Variants in ABCC11 observed in about 807,000 individuals in gnomAD.
ABCC11 encodes ATP binding cassette subfamily C member 11.
ABCC11 carries 135 observed loss-of-function variants against 149.3 expected under a neutral mutation model. That is an observed-to-expected ratio of 0.90 (90% CI 0.79 to 1.04). The LOEUF is 1.04. Ranked by LOEUF, ABCC11 falls within the 50% of genes least tolerant of loss-of-function variation. The pLI, the probability that ABCC11 is intolerant of heterozygous loss-of-function variation, is 0.00. For synonymous variants in ABCC11, 665 were observed against 671.4 expected, an observed-to-expected ratio of 0.99 and a Z score of 0.15; for missense variants, 1,680 against 1,722.1, an observed-to-expected ratio of 0.98 and a Z score of 0.43.
intron 11 of ABCC11, chr16:48,210,023 G>C (rs954892074): frequency 6.6e-6 from 1 of 152,216 alleles, no homozygotes; most frequent in Non-Finnish European, 1.5e-5. Context: ...GGCAGATGTG[G>C]AAGTCAAGCT....
chr16:48,198,063 A>G lies in ABCC11; in HGVS notation c.2222T>C (p.Met741Thr), dbSNP rs780307672. ...TGCTATCTTTGCTGTGTCCTGCAAC[A>G]TGTCCTGGGGAGAGAGCACAGGCCC... is the stretch of plus-strand genomic sequence containing the variant. ...QKMHKEATSD[M>T]LQDTAKIAEK... is the part of the protein sequence containing the mutation. Residue 741 changes from methionine to threonine, a missense_variant, in exon 17 of 30, where the codon ATG (methionine) becomes ACG (threonine). Met to Thr is a moderately conservative substitution (Grantham distance 81). Transcript: ENST00000356608. The G allele has an allele frequency of 1.9e-6, 3 of 1,614,192 alleles. No individual in the cohort carries two copies. Among genetic ancestry groups the G allele is most frequent in the East Asian group, 4.5e-5 (2 of 44,872 alleles).
chr16:48,203,146 C>T, intron 14 of ABCC11, 82 bp downstream of exon 14: 3 of 1,397,942 alleles, frequency 2.1e-6, no homozygotes, highest in Non-Finnish European at 2.0e-6. Flanking sequence ...AGCTGGGATT[C>T]CTCCCTTCCC....
At chr16:48,219,194 G>A (rs1210788216) in intron 6 of ABCC11, among the ~76,000 whole-genome samples, 1 of 139,360 alleles carries the variant, frequency 7.2e-6, no homozygotes, top group African/African-American at 2.7e-5. Context: ...TTTTGAGACT[G>A]GGTCTCACTA....
At chr16:48,214,746 T>C (rs1175205292) in intron 9 of ABCC11, 135 bp downstream of exon 9, 3 of 1,258,990 alleles carry the variant, frequency 2.4e-6, no homozygotes, top group South Asian at 2.9e-5. Context: ...ACTGTACTTT[T>C]GTCTGGAAAA....
chr16:48,179,490 G>A (rs368498331), intron 23 of ABCC11, among the ~76,000 whole-genome samples: 4 of 152,234 alleles, frequency 2.6e-5, no homozygotes, highest in Non-Finnish European at 2.9e-5. Flanking sequence ...CAAACAGGAC[G>A]TGCAGGGGGT....
chr16:48,170,078 C>A, intron 28 of ABCC11, 27 bp downstream of exon 28: 3 of 1,592,424 alleles, frequency 1.9e-6, no homozygotes, highest in Non-Finnish European at 2.6e-6. Flanking sequence ...GTGGCTTCCC[C>A]TGGCCACACG....
chr16:48,208,490 T>C lies in ABCC11; in HGVS notation c.1615A>G (p.Met539Val), dbSNP rs764374436. 2.5e-6 allele frequency: 4 copies of C among 1,614,016 alleles called. No homozygotes were observed. The South Asian group carries it at 4.4e-5, about 18-fold the overall frequency. Reference protein sequence around the residue: ...KINLVVSKGMMLGVCGNTGSG... With the variant: ...KINLVVSKGMVLGVCGNTGSG... The stretch of plus-strand genomic sequence containing the variant: ...CCCGTGTTGCCGCAGACCCCTAACA[T>C]CATCCCCTGCAAGCCAAGGAGGACA... The change falls in exon 12 of 30, where the codon ATG becomes GTG. Residue 539 changes from methionine to valine, a missense_variant. Physicochemically the swap from Met to Val is conservative, Grantham distance 21. Coordinates refer to ENST00000356608, the MANE Select transcript of ABCC11 (RefSeq NM_001370497.1).
chr16:48,239,002 A>T (rs1328395476), intron 1 of ABCC11, among the ~76,000 whole-genome samples: 1 of 151,888 alleles, frequency 6.6e-6, no homozygotes, highest in Non-Finnish European at 1.5e-5. Flanking sequence ...AACATTAAAA[A>T]GTAATTGAGT....
intron 1 of ABCC11, among the ~76,000 whole-genome samples, chr16:48,245,909 T>TAC (rs1303318055): frequency 6.6e-6 from 1 of 152,158 alleles, no homozygotes; most frequent in Non-Finnish European, 1.5e-5. Flanking sequence ...TTCCTAACTC[T>TAC]ACTGGAGGTG....
chr16:48,173,898 T>G (rs1332144459), intron 26 of ABCC11, among the ~76,000 whole-genome samples: 1 of 152,228 alleles, frequency 6.6e-6, no homozygotes, highest in African/African-American at 2.4e-5. Context: ...GTGCTGGGAT[T>G]ACAGGCATGA....
In ABCC11 at chr16:48,197,709, G is replaced by T. The variant is rs74016315; in HGVS notation, c.2314+262C>A. On this transcript the variant is annotated intron_variant, in intron 17 of 29. Transcript: ENST00000356608. Reference sequence around the variant, plus strand: ...AAATCTGTGCCACTCAGAGCCAAAGGTACCCCCTATCCTTCCTCTGATGTA... The same window carrying T: ...AAATCTGTGCCACTCAGAGCCAAAGTTACCCCCTATCCTTCCTCTGATGTA... Among the ~76,000 whole-genome samples, 2,445 of 152,184 alleles carry T rather than the reference G, an allele frequency of 0.016. 59 individuals carry two copies. Among genetic ancestry groups the T allele is most frequent in the African/African-American group, 0.056 (2,313 of 41,506 alleles).
In ABCC11 at chr16:48,187,200, C is replaced by A. The variant is rs747724821; in HGVS notation, c.2933+1G>T. 1 of 1,614,120 alleles carries A rather than the reference C, an allele frequency of 6.2e-7. No individual in the cohort carries two copies. Among genetic ancestry groups the A allele is most frequent in the Non-Finnish European group, 8.5e-7 (1 of 1,180,004 alleles). On this transcript the variant is annotated splice_donor_variant, in intron 21 of 29. Transcript: ENST00000356608. LOFTEE classifies it high-confidence loss of function. ...GTCACAAGCAAAAAGAACCTACTCA[C>A]ATATAATAAATGAAGCAAATAACCA... is the stretch of plus-strand genomic sequence containing the variant.
In ABCC11 at chr16:48,192,574, GA is replaced by G; in HGVS notation, c.2651del (p.Phe884SerfsTer25). ...ICVGVCSSGI[F>X]TKVTRKASTA... ...TGGATGCCTTCCTCGTGACCTTGGTGAAAATCCCTGAGGAGCAGACCCCCAC... is the reference window on the plus strand; with the variant it reads ...TGGATGCCTTCCTCGTGACCTTGGTGAAATCCCTGAGGAGCAGACCCCCAC... On this transcript the variant is annotated frameshift_variant, in exon 20 of 30. Coordinates refer to ENST00000356608, the MANE Select transcript of ABCC11 (RefSeq NM_001370497.1). LOFTEE classifies it high-confidence loss of function. The G allele has an allele frequency of 6.2e-7, 1 of 1,614,264 alleles. No individual in the cohort carries two copies. Among genetic ancestry groups the G allele is most frequent in the Middle Eastern group, 1.6e-4 (1 of 6,062 alleles).
chr16:48,225,848 G>A (rs947233209), intron 4 of ABCC11, among the ~76,000 whole-genome samples: 2 of 152,158 alleles, frequency 1.3e-5, no homozygotes, highest in Admixed American at 1.3e-4. Context: ...CGTAGTTTGC[G>A]TATATAGTGA....
At chr16:48,229,051 C>T (rs531963780) in intron 3 of ABCC11, among the ~76,000 whole-genome samples, 4 of 152,180 alleles carry the variant, frequency 2.6e-5, no homozygotes, top group East Asian at 3.9e-4. Context: ...GGGACTATGA[C>T]GTCTTTTCTC....
At chr16:48,181,169 T>C (rs1966403953) in intron 23 of ABCC11, among the ~76,000 whole-genome samples, 1 of 152,172 alleles carries the variant, frequency 6.6e-6, no homozygotes, top group South Asian at 2.1e-4. Context: ...TTCTGGGCCT[T>C]AGTGATTCCG....
At chr16:48,184,654 C>A (rs374840276) in intron 22 of ABCC11, 28 bp from the exon 23 acceptor site, 31 of 1,604,694 alleles carry the variant, frequency 1.9e-5, no homozygotes, top group Non-Finnish European at 2.4e-5. Flanking sequence ...GACTAAGAAC[C>A]ATGTGTTTGT....
intron 20 of ABCC11, 141 bp downstream of exon 20, chr16:48,192,379 G>A: frequency 1.1e-6 from 1 of 909,542 alleles, no homozygotes; most frequent in Non-Finnish European, 1.6e-6. Flanking sequence ...GGAAGGTGGA[G>A]GTTGCCATGA....
At position 48,215,230 on chromosome 16, in the gene ABCC11, T is replaced by C; in HGVS notation, c.1066A>G (p.Thr356Ala). The C allele has an allele frequency of 6.2e-7, 1 of 1,613,468 alleles. No homozygotes were observed. Among genetic ancestry groups the C allele is most frequent in the South Asian group, 1.1e-5 (1 of 91,062 alleles). The part of the protein sequence containing the change: ...LTCIKLIKMY[T>A]WEKPFAKIIE... Reference sequence around the variant, plus strand: ...ATTTTTGCAAATGGTTTCTCCCATGTGTACATTTTAATCAGCTTAATGCAA... The same window carrying C: ...ATTTTTGCAAATGGTTTCTCCCATGCGTACATTTTAATCAGCTTAATGCAA... Residue 356 changes from threonine (T) to alanine (A), a missense_variant, in exon 8 of 30, where the codon ACA becomes GCA. Coordinates refer to ENST00000356608, the MANE Select transcript of ABCC11 (RefSeq NM_001370497.1).
Sources: allele counts gnomAD v4.1 joint callset (sites outside exome capture counted in the v4.1 genomes callset), GRCh38; gene constraint gnomAD v4.1.1; transcripts MANE v1.5; gene names NCBI Gene and HGNC (gene_info 2026-07-23, HGNC 2026-07-21).